Variants in UMAD1 observed in about 807,000 individuals in gnomAD.
UMAD1 encodes UBAP1-MVB12-associated (UMA)-domain containing protein 1.
A neutral mutation model predicts 6.1 loss-of-function variants in UMAD1; 8 were observed. The observed-to-expected ratio is 1.30, with a 90% confidence interval of 0.76 to 2.35. UMAD1 has a LOEUF of 2.35. UMAD1 is among the 30% of genes most tolerant of loss of function. UMAD1 has a pLI of 0.00. For synonymous variants in UMAD1, 56 were observed against 31.4 expected, an observed-to-expected ratio of 1.78 and a Z score of -2.61; for missense variants, 130 against 78.4, an observed-to-expected ratio of 1.66 and a Z score of -2.49.
At chr7:7,759,869 C>T (rs1781849724) in intron 2 of UMAD1, among the ~76,000 whole-genome samples, 1 of 152,116 alleles carries the variant, frequency 6.6e-6, no homozygotes, top group Non-Finnish European at 1.5e-5. Context: ...GACAGTCTGC[C>T]ATATTATCCC....
intron 1 of UMAD1, among the ~76,000 whole-genome samples, chr7:7,657,032 A>T (rs1056842716): frequency 6.6e-6 from 1 of 152,084 alleles, no homozygotes; most frequent in African/African-American, 2.4e-5. Context: ...AATGTATCTC[A>T]TTGTGGTTTT....
At chr7:7,741,453 C>T (rs915057992) in intron 2 of UMAD1, among the ~76,000 whole-genome samples, 2 of 151,516 alleles carry the variant, frequency 1.3e-5, no homozygotes, top group South Asian at 2.1e-4. Context: ...CGCCTGTAGT[C>T]GTAGTCCCAG....
intron 2 of UMAD1, among the ~76,000 whole-genome samples, chr7:7,705,934 G>T (rs1301302139): frequency 6.6e-6 from 1 of 152,052 alleles, no homozygotes. Flanking sequence ...GTTCAATTTT[G>T]CTATGAACCT....
chr7:7,728,169 T>A (rs1781177152), intron 2 of UMAD1, among the ~76,000 whole-genome samples: 1 of 151,990 alleles, frequency 6.6e-6, no homozygotes, highest in Non-Finnish European at 1.5e-5. Flanking sequence ...ACATCTAGAG[T>A]TGCTTTTTTG....
intron 2 of UMAD1, among the ~76,000 whole-genome samples, chr7:7,713,947 GC>G (rs541618480): frequency 0.01 from 1,544 of 152,272 alleles, 22 homozygotes; most frequent in African/African-American, 0.032. Context: ...TGATCTTCCT[GC>G]CTTGGCCTCC....
chr7:7,820,360 G>A (rs140616515), intron 3 of UMAD1, among the ~76,000 whole-genome samples: 107 of 152,236 alleles, frequency 7.0e-4, no homozygotes, highest in African/African-American at 2.4e-3. Context: ...ATTGATTATA[G>A]CATCTATAAG....
chr7:7,718,291 C>T (rs1780968170), intron 2 of UMAD1, among the ~76,000 whole-genome samples: 1 of 152,086 alleles, frequency 6.6e-6, no homozygotes. Context: ...AACCATAAAA[C>T]TATTTTGATA....
intron 2 of UMAD1, among the ~76,000 whole-genome samples, chr7:7,777,589 A>ATT (rs1360587287): frequency 6.9e-6 from 1 of 144,874 alleles, no homozygotes; most frequent in Non-Finnish European, 1.5e-5. Flanking sequence ...ATATATATAT[A>ATT]TATATATATA....
At chr7:7,648,107 A>G (rs1418208052) in intron 1 of UMAD1, among the ~76,000 whole-genome samples, 1 of 152,200 alleles carries the variant, frequency 6.6e-6, no homozygotes, top group African/African-American at 2.4e-5. Flanking sequence ...GAAGGTAAAA[A>G]CAGGCTGATA....
intron 2 of UMAD1, chr7:7,689,347 G>A (rs1010843190): frequency 9.9e-5 from 15 of 152,186 alleles, no homozygotes; most frequent in African/African-American, 3.1e-4. Flanking sequence ...GAGCTAGCTT[G>A]AGACAGAGGT....
chr7:7,767,521 G>A (rs926881980), intron 2 of UMAD1, among the ~76,000 whole-genome samples: 4 of 152,188 alleles, frequency 2.6e-5, no homozygotes, highest in Non-Finnish European at 5.9e-5. Context: ...TAGCTGGAAA[G>A]CAGCATTTTT....
intron 3 of UMAD1, among the ~76,000 whole-genome samples, chr7:7,857,093 G>A (rs779115510): frequency 2.0e-4 from 31 of 152,154 alleles, no homozygotes; most frequent in Admixed American, 5.9e-4. Flanking sequence ...TTAGTTCAAA[G>A]CAATTAAATA....
At chr7:7,740,055 T>A (rs948961331) in intron 2 of UMAD1, among the ~76,000 whole-genome samples, 4 of 152,230 alleles carry the variant, frequency 2.6e-5, no homozygotes, top group Non-Finnish European at 4.4e-5. Context: ...GAAGCATGAT[T>A]GTTAAAAGTT....
intron 2 of UMAD1, among the ~76,000 whole-genome samples, chr7:7,782,721 G>C (rs1207705993): frequency 6.7e-6 from 1 of 148,374 alleles, no homozygotes; most frequent in African/African-American, 2.5e-5. Context: ...AATGTCTTGT[G>C]TATAACCTCT....
In UMAD1 at chr7:7,789,125, C is replaced by T. The variant is rs571494266; in HGVS notation, c.83-12545C>T. ...TATCAACAAAAACAACATTATTGTA[C>T]TAGTACAAAGTGGTCAAAGTGTGTT... On this transcript the variant is annotated intron_variant, in intron 2 of 3. Transcript: ENST00000682710. 2.9e-3 allele frequency among the ~76,000 whole-genome samples: 447 copies of T among 152,266 alleles called. 3 individuals are homozygous for T. The highest frequency in any genetic ancestry group is 9.9e-3 in the African/African-American group (413 of 41,538).
At chr7:7,693,735 C>T (rs28912712) in intron 2 of UMAD1, among the ~76,000 whole-genome samples, 14 of 151,912 alleles carry the variant, frequency 9.2e-5, no homozygotes, top group South Asian at 2.1e-4. Flanking sequence ...ATTATATGAA[C>T]GTGAAGTTTT....
intron 2 of UMAD1, among the ~76,000 whole-genome samples, chr7:7,713,397 A>G (rs1780814545): frequency 6.7e-6 from 1 of 149,148 alleles, no homozygotes; most frequent in African/African-American, 2.5e-5. Context: ...TTATAGACAG[A>G]GTTTTTTTTT....
chr7:7,794,735 A>G (rs1055223842), intron 2 of UMAD1, among the ~76,000 whole-genome samples: 5 of 152,320 alleles, frequency 3.3e-5, no homozygotes, highest in Middle Eastern at 3.4e-3. Flanking sequence ...TTTCCTTGAC[A>G]TACGTTGAAA....
rs549751968 is a variant in UMAD1 at position 7,643,557 on chromosome 7, A to C, written c.-64+2736A>C. 2.6e-5 allele frequency among the ~76,000 whole-genome samples: 4 copies of C among 152,290 alleles called. No individual in the cohort carries two copies. In the East Asian group the frequency reaches 5.8e-4, roughly 22 times the overall value. On this transcript the variant is annotated intron_variant, in intron 1 of 3. Coordinates refer to ENST00000682710, the MANE Select transcript of UMAD1 (RefSeq NM_001302348.2). Reference sequence around the variant, plus strand: ...GAAACCCTGTCTCTACTAAATATACAAAAAAGTATCCAGGCGCGATGGCGG... The same window carrying C: ...GAAACCCTGTCTCTACTAAATATACCAAAAAGTATCCAGGCGCGATGGCGG...
Sources: gnomAD v4.1 joint callset for allele counts (sites outside exome capture counted in the v4.1 genomes callset) on GRCh38, gnomAD v4.1.1 for gene constraint, MANE v1.5 for transcripts, NCBI Gene and HGNC (gene_info 2026-07-23, HGNC 2026-07-21) for gene names.